SAG: variants seen among roughly 807,000 people sequenced by gnomAD.
SAG encodes S-arrestin.
In SAG, 45 loss-of-function variants were observed where a neutral mutation model predicts 55.0. That is an observed-to-expected ratio of 0.82 (90% CI 0.64 to 1.05). The LOEUF is 1.05. Ranked by LOEUF, SAG falls within the 50% of genes least tolerant of loss-of-function variation. SAG has a pLI of 0.00. For synonymous variants in SAG, 189 were observed against 197.4 expected (o/e 0.96, Z 0.36); for missense variants, 455 against 512.1 (o/e 0.89, Z 1.08).
intron 3 of SAG, 56 bp from the exon 4 acceptor site, chr2:233,318,689 AGTAGGT>A: frequency 6.5e-6 from 9 of 1,376,806 alleles, no homozygotes; most frequent in Non-Finnish European, 3.1e-6. Flanking sequence ...CAGTTTTTAA[AGTAGGT>A]GTCTGGTTTC....
In SAG at chr2:233,328,847, C is replaced by T. The variant is rs369473332; in HGVS notation, c.648+234C>T. 188 of 457,396 alleles carry T rather than the reference C, an allele frequency of 4.1e-4. No homozygotes were observed. The South Asian group carries it at 6.6e-3, about 16-fold the overall frequency. The allele number at this position is 457,396 out of a possible 1,614,324, so 28.3% of individuals were successfully genotyped here. A position where few individuals can be genotyped will look rare whatever the true frequency, so the allele number is the denominator to read the frequency against. ...CTTGCGTTCCACCCACTGGCTGTCC[C>T]GAGGGACTGGGGAAGGAAGGGGCGC... On this transcript the variant is annotated intron_variant, in intron 8 of 15. Coordinates refer to ENST00000409110, the MANE Select transcript of SAG (RefSeq NM_000541.5).
At chr2:233,328,639 C>A (rs201229471) in intron 8 of SAG, 26 bp downstream of exon 8, 5 of 1,591,040 alleles carry the variant, frequency 3.1e-6, no homozygotes, top group Middle Eastern at 1.7e-4. Context: ...CGCTACTACC[C>A]GCAGGGCAGC....
At chr2:233,336,441 G>C (rs1700930519) in intron 11 of SAG, among the ~76,000 whole-genome samples, 1 of 152,124 alleles carries the variant, frequency 6.6e-6, no homozygotes, top group East Asian at 1.9e-4. Context: ...CTTGAACCCG[G>C]GAGGCGGAGG....
rs138465712 is a variant in SAG at position 233,312,655 on chromosome 2, A to G, written c.75+3391A>G. Reference sequence around the variant, plus strand: ...GACCATTTCAGCAGCAGCAGCCTGCATCCCCATTCAGTGGCATGGTGAAGC... The same window carrying G: ...GACCATTTCAGCAGCAGCAGCCTGCGTCCCCATTCAGTGGCATGGTGAAGC... On this transcript the variant is annotated intron_variant, in intron 2 of 15. Coordinates refer to ENST00000409110, the MANE Select transcript of SAG (RefSeq NM_000541.5). Among the ~76,000 whole-genome samples the G allele has an allele frequency of 1.8e-3, 281 of 152,320 alleles. 4 individuals carry two copies. In the East Asian group the frequency reaches 0.028, roughly 15 times the overall value.
rs1218725435 is a variant in SAG, at chr2:233,338,690, T to G, written c.959T>G (p.Ile320Arg). 1 of 1,613,782 alleles carries G rather than the reference T, an allele frequency of 6.2e-7. No homozygotes were observed. Among genetic ancestry groups the G allele is most frequent in the Non-Finnish European group, 8.5e-7 (1 of 1,179,846 alleles). Residue 320 changes from isoleucine to arginine, a missense_variant, in exon 12 of 16, where the codon ATA becomes AGA. Physicochemically the swap from Ile to Arg is moderately conservative, Grantham distance 97. Transcript: ENST00000409110. The stretch of plus-strand genomic sequence containing the variant: ...TGTTTGGGCAGCATTAAGGAGGGCA[T>G]AGACCGGACCGTCCTGGGAATCCTG... ...LASSTIIKEG[I>R]DRTVLGILVS...
chr2:233,346,524 T>G, intron 15 of SAG, 112 bp downstream of exon 15: 6 of 1,168,510 alleles, frequency 5.1e-6, no homozygotes, highest in Non-Finnish European at 7.7e-6. Flanking sequence ...TCCTGCCGGC[T>G]CAGGAGGCAC....
chr2:233,338,858 A>G (rs984482960), intron 12 of SAG, 105 bp downstream of exon 12: 17 of 933,290 alleles, frequency 1.8e-5, no homozygotes, highest in Admixed American at 7.2e-5. Flanking sequence ...GGAAAGGCCC[A>G]TAGCTTCTAC....
chr2:233,342,277 C>T lies in SAG; in HGVS notation c.1053C>T (p.Val351=), dbSNP rs377460398. 4.9e-5 allele frequency: 79 copies of T among 1,606,546 alleles called. No homozygotes were observed. Among genetic ancestry groups the T allele is most frequent in the Admixed American group, 1.4e-4 (8 of 59,020 alleles). The change falls in exon 14 of 16, where the codon GTC becomes GTT. Residue 351 remains valine, a synonymous_variant. Transcript: ENST00000409110. The part of the protein sequence containing the change: ...GFLGELTSSE[V]ATEVPFRLMH... The stretch of plus-strand genomic sequence containing the variant: ...CTTCATTCTTTTTTTCTAGTGAAGT[C>T]GCCACTGAGGTCCCATTCCGCCTCA...
chr2:233,315,113 G>C, intron 2 of SAG, among the ~76,000 whole-genome samples: 1 of 152,228 alleles, frequency 6.6e-6, no homozygotes, highest in African/African-American at 2.4e-5. Context: ...AGAGACCTTC[G>C]TTGCCAGGGG....
intron 3 of SAG, among the ~76,000 whole-genome samples, chr2:233,317,988 G>A (rs1163862123): frequency 6.6e-6 from 1 of 151,720 alleles, no homozygotes; most frequent in South Asian, 2.1e-4. Flanking sequence ...TTTTTTTGTC[G>A]GGGGTGTGGG....
intron 6 of SAG, among the ~76,000 whole-genome samples, chr2:233,325,086 C>G (rs1268920626): frequency 6.6e-6 from 1 of 151,846 alleles, no homozygotes; most frequent in East Asian, 1.9e-4. Flanking sequence ...ATTAGCCAGG[C>G]ATGGTGGCGC....
intron 2 of SAG, among the ~76,000 whole-genome samples, chr2:233,311,751 G>C (rs1264209362): frequency 6.6e-6 from 1 of 152,170 alleles, no homozygotes; most frequent in Non-Finnish European, 1.5e-5. Flanking sequence ...TTTCATGGTT[G>C]GCCACCTTCT....
In SAG at chr2:233,320,716, T is replaced by G. The variant is rs750360169; in HGVS notation, c.268T>G (p.Ser90Ala). The G allele has an allele frequency of 6.2e-7, 1 of 1,605,504 alleles. No individual in the cohort carries two copies. Among genetic ancestry groups the G allele is most frequent in the Non-Finnish European group, 8.5e-7 (1 of 1,176,194 alleles). Residue 90 changes from serine (S) to alanine (A), a missense_variant, in exon 5 of 16, where the codon TCC becomes GCC. Transcript: ENST00000409110. ...GACCTTCCGCAGGGACCTGTACTTC[T>G]CCCGGGTCCAGGTGTATCCTCCTGT... Reference protein sequence around the residue: ...GLTFRRDLYFSRVQVYPPVGA... With the variant: ...GLTFRRDLYFARVQVYPPVGA...
chr2:233,312,696 A>AAGCATT (rs1700107208), intron 2 of SAG, among the ~76,000 whole-genome samples: 1 of 152,096 alleles, frequency 6.6e-6, no homozygotes, highest in South Asian at 2.1e-4. Context: ...GCAGTTCCAG[A>AAGCATT]AGCATTCTCG....
intron 8 of SAG, 57 bp downstream of exon 8, chr2:233,328,670 C>T (rs911386445): frequency 2.0e-6 from 3 of 1,537,264 alleles, no homozygotes; most frequent in Non-Finnish European, 2.6e-6. Context: ...GCAGGCCCCA[C>T]ACCCCTCTCT....
At chr2:233,331,533 A>G (rs974078805) in intron 9 of SAG, 107 bp from the exon 10 acceptor site, 1 of 759,120 alleles carries the variant, frequency 1.3e-6, no homozygotes, top group African/African-American at 1.7e-5. Flanking sequence ...GTGGAGGGAA[A>G]CCATCATCAG....
chr2:233,337,477 G>A (rs950829655), intron 11 of SAG, among the ~76,000 whole-genome samples: 52 of 152,094 alleles, frequency 3.4e-4, no homozygotes, highest in African/African-American at 1.2e-3. Flanking sequence ...GAACTCAAGC[G>A]ATCTGCCCGC....
chr2:233,331,512 T>G, intron 9 of SAG, 128 bp from the exon 10 acceptor site: 1 of 722,982 alleles, frequency 1.4e-6, no homozygotes, highest in Non-Finnish European at 2.5e-6. Flanking sequence ...TGAGAAAGCC[T>G]AGCCTTGGAA....
At chr2:233,328,363 G>C in intron 7 of SAG, 115 bp from the exon 8 acceptor site, 1 of 1,313,256 alleles carries the variant, frequency 7.6e-7, no homozygotes, top group South Asian at 1.4e-5. Context: ...CGTCCACCCT[G>C]TCTCCATGGG....
Sources: gnomAD v4.1 joint callset for allele counts (sites outside exome capture counted in the v4.1 genomes callset) on GRCh38, gnomAD v4.1.1 for gene constraint, MANE v1.5 for transcripts, NCBI Gene and HGNC (gene_info 2026-07-23, HGNC 2026-07-21) for gene names.